RS1: variants seen among roughly 807,000 people sequenced by gnomAD.
The protein encoded by RS1 is retinoschisin.
A neutral mutation model predicts 20.8 loss-of-function variants in RS1; 2 were observed. That is an observed-to-expected ratio of 0.10 (90% CI 0.04 to 0.30). The LOEUF is 0.30. Ranked by LOEUF, RS1 falls within the 10% of genes least tolerant of loss-of-function variation. The pLI, the probability that RS1 is intolerant of heterozygous loss-of-function variation, is 1.00. For missense variants in RS1, 151 were observed against 189.8 expected, an observed-to-expected ratio of 0.80 and a Z score of 1.20; for synonymous variants, 70 against 75.8, an observed-to-expected ratio of 0.92 and a Z score of 0.40.
intron 4 of RS1, 127 bp downstream of exon 4, chrX:18,647,064 G>A (rs893935663): frequency 5.3e-6 from 4 of 752,068 alleles, no homozygotes; most frequent in Admixed American, 5.2e-5. Flanking sequence ...TTACAGGCAC[G>A]TGCCACCACG....
At position 18,651,274 on chromosome X, in the gene RS1, A is replaced by T. The variant is rs933848587; in HGVS notation, c.185-3942T>A. Reference sequence around the variant, plus strand: ...GTGTGTGTGTGTGTGTGAGAGAGAGAGAGAGAGAGAGAGACAGAGAGACAC... The same window carrying T: ...GTGTGTGTGTGTGTGTGAGAGAGAGTGAGAGAGAGAGAGACAGAGAGACAC... On this transcript the variant is annotated intron_variant, in intron 3 of 5. Coordinates refer to ENST00000379984, the MANE Select transcript of RS1 (RefSeq NM_000330.4). Among the ~76,000 whole-genome samples the T allele has an allele frequency of 1.5e-3, 164 of 107,655 alleles. 4 individuals are homozygous for T. The highest frequency in any genetic ancestry group is 0.014 in the Admixed American group (139 of 9,846). The allele number at this position is 107,655 out of a possible 115,157, so 93.5% of individuals were successfully genotyped here.
rs144097628 is a variant in RS1 at position 18,645,970 on chromosome X, G to T, written c.326+1221C>A. 4.0e-3 allele frequency: 4,811 copies of T among 1,207,474 alleles called. 118 individuals are homozygous for T. The African/African-American group carries it at 0.072, about 18-fold the overall frequency. ...TTGTGTTCTTAAAGGCAAGTCATGC[G>T]CACTCTGCTGCTCTTTTGTTTCTCC... On this transcript the variant is annotated intron_variant, in intron 4 of 5. Coordinates refer to ENST00000379984, the MANE Select transcript of RS1 (RefSeq NM_000330.4).
chrX:18,646,951 C>G (rs1211841675), intron 4 of RS1, among the ~76,000 whole-genome samples: 2 of 111,048 alleles, frequency 1.8e-5, no homozygotes, highest in East Asian at 5.6e-4. Flanking sequence ...GGGTCTCACT[C>G]TGTCGCCCAG....
intron 1 of RS1, among the ~76,000 whole-genome samples, chrX:18,658,390 G>T (rs1447426732): frequency 9.0e-6 from 1 of 111,254 alleles, no homozygotes; most frequent in South Asian, 3.7e-4. Flanking sequence ...TATCTAAACA[G>T]TGTTGTATCC....
intron 3 of RS1, among the ~76,000 whole-genome samples, chrX:18,652,472 C>T (rs1308489886): frequency 8.9e-6 from 1 of 111,775 alleles, no homozygotes; most frequent in African/African-American, 3.3e-5. Context: ...AGTTCGAGAC[C>T]AGCCTGGCCA....
At chrX:18,643,709 A>G (rs770909709) in intron 5 of RS1, among the ~76,000 whole-genome samples, 10 of 111,913 alleles carry the variant, frequency 8.9e-5, no homozygotes, top group African/African-American at 2.9e-4. Flanking sequence ...TCAGCTGTAC[A>G]TGTCTACTTA....
intron 3 of RS1, among the ~76,000 whole-genome samples, chrX:18,654,839 C>G (rs766305095): frequency 8.9e-6 from 1 of 111,768 alleles, no homozygotes; most frequent in South Asian, 3.7e-4. Flanking sequence ...AACCATTGTA[C>G]CCTACCCTCC....
At position 18,641,440 on chromosome X, in the gene RS1, C is replaced by T. The variant is rs1186485951; in HGVS notation, c.*564G>A. ...CTTTTGGTCATTTGTCACGTATAGC[C>T]TCTCAGGGCACCGGGATTCTCACCC... On this transcript the variant is annotated 3_prime_UTR_variant, in exon 6 of 6. Transcript: ENST00000379984. The T allele has an allele frequency of 8.5e-6, 1 of 118,068 alleles. No homozygotes were observed. Among genetic ancestry groups the T allele is most frequent in the Non-Finnish European group, 1.8e-5 (1 of 56,939 alleles). The allele number at this position is 118,068 out of a possible 1,213,427, so 9.7% of individuals were successfully genotyped here.
At chrX:18,650,659 T>C in intron 3 of RS1, 1 of 1,121,629 alleles carries the variant, frequency 8.9e-7, no homozygotes, top group South Asian at 1.8e-5. Flanking sequence ...CGAGGAGCTG[T>C]AGAAATGCAG....
At chrX:18,647,963 C>T (rs1927856173) in intron 3 of RS1, among the ~76,000 whole-genome samples, 1 of 111,576 alleles carries the variant, frequency 9.0e-6, no homozygotes, top group Admixed American at 9.4e-5. Context: ...ACTGCTTTTT[C>T]CCAGTGGTAG....
At chrX:18,652,518 A>C (rs754800646) in intron 3 of RS1, among the ~76,000 whole-genome samples, 1 of 111,319 alleles carries the variant, frequency 9.0e-6, no homozygotes, top group South Asian at 3.8e-4. Flanking sequence ...AAAATACAAA[A>C]ATTAGCCGAG....
chrX:18,644,757 G>T, intron 4 of RS1, 132 bp from the exon 5 acceptor site: 1 of 593,755 alleles, frequency 1.7e-6, no homozygotes, highest in Non-Finnish European at 2.8e-6. Context: ...CTGGGCTGCA[G>T]TCTGAGCCTT....
At chrX:18,664,612 G>A (rs1010057284) in intron 1 of RS1, among the ~76,000 whole-genome samples, 1 of 111,644 alleles carries the variant, frequency 9.0e-6, no homozygotes, top group Non-Finnish European at 1.9e-5. Context: ...CTGGGCAACA[G>A]AGTAAGACTC....
intron 1 of RS1, among the ~76,000 whole-genome samples, chrX:18,662,196 T>A (rs1928323668): frequency 1.8e-5 from 2 of 112,559 alleles, no homozygotes; most frequent in South Asian, 7.2e-4. Flanking sequence ...TTTCTGTGGT[T>A]TATAAGCCAC....
intron 1 of RS1, among the ~76,000 whole-genome samples, chrX:18,670,834 T>C (rs1928481049): frequency 8.9e-6 from 1 of 111,936 alleles, no homozygotes; most frequent in African/African-American, 3.2e-5. Context: ...GAAAAAATCC[T>C]AACAGACAAC....
intron 1 of RS1, among the ~76,000 whole-genome samples, chrX:18,669,378 C>T (rs1928453827): frequency 9.4e-6 from 1 of 106,816 alleles, no homozygotes; most frequent in Admixed American, 1.0e-4. Context: ...GTAATCCCAG[C>T]CACTCGGGAG....
At position 18,651,089 on chromosome X, in the gene RS1, C is replaced by T. The variant is rs185249753; in HGVS notation, c.185-3757G>A. 1.2e-3 allele frequency among the ~76,000 whole-genome samples: 135 copies of T among 109,805 alleles called. 1 individual carries two copies. Among genetic ancestry groups the T allele is most frequent in the African/African-American group, 4.0e-3 (122 of 30,135 alleles). ...GGAGGAAATCCATTGCCCCTCTATC[C>T]TACTCTGTTCTGTCCCCATTACCCT... On this transcript the variant is annotated intron_variant, in intron 3 of 5. Transcript: ENST00000379984.
chrX:18,666,939 G>A (rs1928415187), intron 1 of RS1, among the ~76,000 whole-genome samples: 1 of 110,765 alleles, frequency 9.0e-6, no homozygotes, highest in African/African-American at 3.3e-5. Context: ...GATCTGTTTG[G>A]GACATAATGA....
rs1235121846 is a variant in RS1, at chrX:18,648,819, G to A, written c.185-1487C>T. 7.2e-5 allele frequency among the ~76,000 whole-genome samples: 8 copies of A among 111,217 alleles called. No individual in the cohort carries two copies. The East Asian group carries it at 1.4e-3, about 20-fold the overall frequency. On this transcript the variant is annotated intron_variant, in intron 3 of 5. Coordinates refer to ENST00000379984, the MANE Select transcript of RS1 (RefSeq NM_000330.4). ...GAGAGAACTGCAGAGGCTGAGTGCA[G>A]TGGCTCATGCCTGTAATCCCAGTGC...
Sources: allele counts gnomAD v4.1 joint callset (sites outside exome capture counted in the v4.1 genomes callset), GRCh38; gene constraint gnomAD v4.1.1; transcripts MANE v1.5; gene names NCBI Gene and HGNC (gene_info 2026-07-23, HGNC 2026-07-21).